SHISA6: variants seen among roughly 807,000 people sequenced by gnomAD.
SHISA6 encodes shisa family member 6.
A neutral mutation model predicts 47.9 loss-of-function variants in SHISA6; 22 were observed. The observed-to-expected ratio is 0.46, with a 90% confidence interval of 0.33 to 0.66. SHISA6 has a LOEUF of 0.66. SHISA6 is among the 30% of genes least tolerant of loss of function. SHISA6 has a pLI of 0.02. For missense variants in SHISA6, 680 were observed against 764.6 expected (o/e 0.89, Z 1.30); for synonymous variants, 388 against 337.8 (o/e 1.15, Z -1.63).
chr17:11,331,849 T>C (rs1169218654), intron 2 of SHISA6, among the ~76,000 whole-genome samples: 1 of 152,116 alleles, frequency 6.6e-6, no homozygotes, highest in Non-Finnish European at 1.5e-5. Context: ...CTGTCACCTC[T>C]GGGTCTCCTC....
At chr17:11,482,192 A>G (rs756287627) in intron 3 of SHISA6, among the ~76,000 whole-genome samples, 1 of 152,370 alleles carries the variant, frequency 6.6e-6, no homozygotes, top group East Asian at 1.9e-4. Flanking sequence ...CCCCAGGCAC[A>G]ATTAATTAAA....
chr17:11,307,228 G>A (rs1196685748), intron 2 of SHISA6, among the ~76,000 whole-genome samples: 6 of 150,546 alleles, frequency 4.0e-5, no homozygotes, highest in African/African-American at 1.5e-4. Flanking sequence ...ACCAGTTAGA[G>A]TCTAAGTTGC....
At chr17:11,312,926 G>A (rs892467745) in intron 2 of SHISA6, among the ~76,000 whole-genome samples, 1 of 152,088 alleles carries the variant, frequency 6.6e-6, no homozygotes, top group Admixed American at 6.6e-5. Flanking sequence ...ATAGGTAAAG[G>A]CGTTGATGTG....
chr17:11,497,108 C>CTGAG (rs150436974), intron 3 of SHISA6, among the ~76,000 whole-genome samples: 2,697 of 152,312 alleles, frequency 0.018, 83 homozygotes, highest in African/African-American at 0.062. Context: ...AGATTCTCTC[C>CTGAG]TGAGGACCAG....
At chr17:11,533,584 ATTATTT>A (rs2071756690) in intron 3 of SHISA6, among the ~76,000 whole-genome samples, 1 of 80,752 alleles carries the variant, frequency 1.2e-5, no homozygotes, top group African/African-American at 5.6e-5. Context: ...CTTCCCTTTC[ATTATTT>A]TTTTTTTTTT....
intron 3 of SHISA6, among the ~76,000 whole-genome samples, chr17:11,439,594 CAAGTT>C (rs1488793578): frequency 3.9e-5 from 6 of 152,162 alleles, no homozygotes; most frequent in South Asian, 2.1e-4. Context: ...CACCGTTACT[CAAGTT>C]AAGTAACTAA....
chr17:11,508,790 G>GGTATAAT (rs2071520832), intron 3 of SHISA6, among the ~76,000 whole-genome samples: 1 of 138,546 alleles, frequency 7.2e-6, no homozygotes, highest in Non-Finnish European at 1.6e-5. Context: ...AGGTATTAGG[G>GGTATAAT]CTATAATCAG....
intron 2 of SHISA6, among the ~76,000 whole-genome samples, chr17:11,362,348 C>T (rs1419503420): frequency 6.6e-6 from 1 of 152,136 alleles, no homozygotes; most frequent in Admixed American, 6.5e-5. Context: ...CTATGTTGTC[C>T]AAGCAGGTCT....
intron 3 of SHISA6, among the ~76,000 whole-genome samples, chr17:11,481,999 G>T (rs1916236010): frequency 6.6e-6 from 1 of 152,188 alleles, no homozygotes; most frequent in Non-Finnish European, 1.5e-5. Flanking sequence ...TAAAAGATGG[G>T]AATGGACAGA....
chr17:11,292,386 C>A (rs1399894688), intron 2 of SHISA6, among the ~76,000 whole-genome samples: 1 of 151,974 alleles, frequency 6.6e-6, no homozygotes, highest in Non-Finnish European at 1.5e-5. Context: ...CAGGAAAACA[C>A]CATGGCACAT....
At chr17:11,354,305 T>A (rs73975308) in intron 2 of SHISA6, among the ~76,000 whole-genome samples, 4,410 of 152,220 alleles carry the variant, frequency 0.029, 198 homozygotes, top group African/African-American at 0.09. Context: ...GAAAACTCTC[T>A]AGTTGTGCCC....
intron 5 of SHISA6, among the ~76,000 whole-genome samples, chr17:11,556,610 CT>C (rs2071982644): frequency 6.6e-6 from 1 of 152,142 alleles, no homozygotes. Context: ...TGCTTGAAAG[CT>C]TCAGGGTAAC....
chr17:11,520,282 C>T (rs1289018094), intron 3 of SHISA6, among the ~76,000 whole-genome samples: 1 of 152,186 alleles, frequency 6.6e-6, no homozygotes, highest in Non-Finnish European at 1.5e-5. Flanking sequence ...ACAAATTTTT[C>T]CCCATCTCAG....
chr17:11,257,876 G>A lies in SHISA6; in HGVS notation c.639-5490G>A, dbSNP rs547692226. 2.0e-5 allele frequency among the ~76,000 whole-genome samples: 3 copies of A among 152,230 alleles called. No homozygotes were observed. In the East Asian group the frequency reaches 5.8e-4, roughly 29 times the overall value. On this transcript the variant is annotated intron_variant, in intron 1 of 5. Transcript: ENST00000441885. ...CAAAAACAAGCAATTTCCACCATCT[G>A]TCTTGTAGTTTTTATATGAACAGTT...
intron 3 of SHISA6, among the ~76,000 whole-genome samples, chr17:11,458,844 A>G (rs1188645308): frequency 6.6e-6 from 1 of 152,162 alleles, no homozygotes; most frequent in African/African-American, 2.4e-5. Context: ...CTCACTTGAC[A>G]AACAGGCATA....
intron 2 of SHISA6, among the ~76,000 whole-genome samples, chr17:11,372,564 CT>C (rs959182330): frequency 1.4e-4 from 21 of 147,888 alleles, no homozygotes; most frequent in African/African-American, 3.7e-4. Context: ...TATTGCTTTT[CT>C]TTTTTTTTCA....
At chr17:11,427,960 T>G (rs2142287133) in intron 3 of SHISA6, among the ~76,000 whole-genome samples, 1 of 152,204 alleles carries the variant, frequency 6.6e-6, no homozygotes, top group South Asian at 2.1e-4. Flanking sequence ...GGGACTAGAA[T>G]AGCAACGAGA....
chr17:11,256,459 G>A lies in SHISA6; in HGVS notation c.639-6907G>A, dbSNP rs546230221. 2.2e-3 allele frequency among the ~76,000 whole-genome samples: 336 copies of A among 152,264 alleles called. 3 individuals carry two copies. The highest frequency in any genetic ancestry group is 7.8e-3 in the African/African-American group (326 of 41,568). On this transcript the variant is annotated intron_variant, in intron 1 of 5. Transcript: ENST00000441885. ...TGCAGTGAACTGAGATCACACCGCT[G>A]CACTCCAGTCTGGGTAACAGAGCGA...
At chr17:11,309,965 C>G (rs1418757448) in intron 2 of SHISA6, among the ~76,000 whole-genome samples, 2 of 152,220 alleles carry the variant, frequency 1.3e-5, no homozygotes, top group East Asian at 1.9e-4. Context: ...ACATCCAGCA[C>G]TTTTCAGGCT....
Sources: allele counts gnomAD v4.1 joint callset (sites outside exome capture counted in the v4.1 genomes callset), GRCh38; gene constraint gnomAD v4.1.1; transcripts MANE v1.5; gene names NCBI Gene and HGNC (gene_info 2026-07-23, HGNC 2026-07-21).